SYNPR: variants seen among roughly 807,000 people sequenced by gnomAD.
SYNPR encodes synaptoporin.
SYNPR carries 23 observed loss-of-function variants against 32.9 expected under a neutral mutation model. The observed-to-expected ratio is 0.70, with a 90% CI of 0.50 to 0.99. SYNPR has a LOEUF of 0.99. SYNPR is among the 50% of genes least tolerant of loss of function. The pLI is 0.00. For synonymous variants in SYNPR, 146 were observed against 135.9 expected (o/e 1.07, Z -0.52); for missense variants, 318 against 349.3 (o/e 0.91, Z 0.71).
At chr3:63,448,461 T>C (rs1700319900) in intron 2 of SYNPR, among the ~76,000 whole-genome samples, 1 of 152,242 alleles carries the variant, frequency 6.6e-6, no homozygotes, top group South Asian at 2.1e-4. Context: ...AAGGACTTCT[T>C]AAGTCACCAT....
Position 63,445,598 on chromosome 3 carries a change from G to A in SYNPR, c.85-35234G>A, listed in dbSNP as rs1230405145. ...TTTAGTAAGTACATCCTATATGCCTGGCACTGTGCTAAGCATTTTACATGG... is the reference window on the plus strand; with the variant it reads ...TTTAGTAAGTACATCCTATATGCCTAGCACTGTGCTAAGCATTTTACATGG... On this transcript the variant is annotated intron_variant, in intron 2 of 5. Transcript: ENST00000478300. 12 of 694,990 alleles carry A rather than the reference G, an allele frequency of 1.7e-5. No individual in the cohort carries two copies. The Admixed American group carries it at 2.5e-4, about 14-fold the overall frequency. 43.1% of individuals were successfully genotyped at this position (694,990 alleles called of 1,614,324 possible).
At chr3:63,363,679 T>A (rs2087691892) in intron 2 of SYNPR, among the ~76,000 whole-genome samples, 1 of 152,202 alleles carries the variant, frequency 6.6e-6, no homozygotes, top group Non-Finnish European at 1.5e-5. Context: ...TTGGATTAAA[T>A]GAGATGAGCT....
At chr3:63,337,371 T>C (rs2087308819) in intron 2 of SYNPR, among the ~76,000 whole-genome samples, 1 of 152,100 alleles carries the variant, frequency 6.6e-6, no homozygotes, top group Non-Finnish European at 1.5e-5. Context: ...TGCCAAATGC[T>C]GGTGAGGATG....
intron 4 of SYNPR, among the ~76,000 whole-genome samples, chr3:63,559,771 TCAC>T (rs1317783203): frequency 6.6e-6 from 1 of 151,640 alleles, no homozygotes; most frequent in East Asian, 1.9e-4. Flanking sequence ...TTTAACAGAG[TCAC>T]CAAACTTGGG....
chr3:63,574,200 G>C (rs760507236), intron 4 of SYNPR, among the ~76,000 whole-genome samples: 3 of 152,098 alleles, frequency 2.0e-5, no homozygotes, highest in Non-Finnish European at 4.4e-5. Flanking sequence ...GTGTTTTGGG[G>C]AACAATATTC....
chr3:63,406,185 G>A (rs377139650), intron 2 of SYNPR, among the ~76,000 whole-genome samples: 15 of 151,250 alleles, frequency 9.9e-5, no homozygotes, highest in Non-Finnish European at 1.8e-4. Context: ...CTTGAGGTGC[G>A]TGGGTTTAGA....
At chr3:63,360,281 C>T (rs2087638723) in intron 2 of SYNPR, among the ~76,000 whole-genome samples, 1 of 152,082 alleles carries the variant, frequency 6.6e-6, no homozygotes, top group African/African-American at 2.4e-5. Context: ...TCCCATGATC[C>T]CTTCAAACTT....
chr3:63,223,933 T>C (rs1348237550), upstream of SYNPR, among the ~76,000 whole-genome samples: 1 of 152,218 alleles, frequency 6.6e-6, no homozygotes, highest in Non-Finnish European at 1.5e-5. Context: ...TTGCTTGTGG[T>C]AGAGGCTCCA....
chr3:63,443,765 T>G (rs1268470343), intron 2 of SYNPR, among the ~76,000 whole-genome samples: 1 of 152,234 alleles, frequency 6.6e-6, no homozygotes, highest in East Asian at 1.9e-4. Flanking sequence ...AAAACTGTAA[T>G]GTCATTCTAC....
intron 3 of SYNPR, among the ~76,000 whole-genome samples, chr3:63,521,824 G>T (rs759931539): frequency 6.6e-6 from 1 of 152,158 alleles, no homozygotes; most frequent in Non-Finnish European, 1.5e-5. Flanking sequence ...CAAATGTGTG[G>T]GCAGGGTGCA....
chr3:63,399,708 G>A (rs9856133), intron 2 of SYNPR, among the ~76,000 whole-genome samples: 82,158 of 151,322 alleles, frequency 0.54, 22,469 homozygotes, highest in East Asian at 0.68. Flanking sequence ...GGTAGACTAG[G>A]TTATTGTGCC....
At chr3:63,253,460 T>C (rs967242857) in intron 2 of SYNPR, among the ~76,000 whole-genome samples, 10 of 152,214 alleles carry the variant, frequency 6.6e-5, no homozygotes, top group African/African-American at 2.4e-4. Flanking sequence ...GAATAAATCC[T>C]AGTCTGTTAA....
the SYNPR span, among the ~76,000 whole-genome samples, chr3:63,200,890 G>C: frequency 1.2e-4 from 19 of 152,264 alleles, no homozygotes; most frequent in Non-Finnish European, 2.4e-4. Context: ...TTTAGCCCAA[G>C]TGTAATGATA....
chr3:63,362,303 G>C (rs2087672186), intron 2 of SYNPR, among the ~76,000 whole-genome samples: 1 of 152,126 alleles, frequency 6.6e-6, no homozygotes, highest in Non-Finnish European at 1.5e-5. Flanking sequence ...TTGTTTGTTT[G>C]TTTTTGCTTT....
chr3:63,299,592 A>G lies in SYNPR; in HGVS notation c.84+20850A>G, dbSNP rs112987339. 6.3e-3 allele frequency among the ~76,000 whole-genome samples: 961 copies of G among 152,232 alleles called. 8 individuals are homozygous for G. Among genetic ancestry groups the G allele is most frequent in the African/African-American group, 0.022 (911 of 41,530 alleles). Reference sequence around the variant, plus strand: ...GTGGTTCAGCTAGGATCCTACAGCCAGATACAGGGAGACAGGCAGAAAAAC... The same window carrying G: ...GTGGTTCAGCTAGGATCCTACAGCCGGATACAGGGAGACAGGCAGAAAAAC... On this transcript the variant is annotated intron_variant, in intron 2 of 5. Coordinates refer to ENST00000478300, the MANE Select transcript of SYNPR (RefSeq NM_001130003.2).
chr3:63,514,845 C>T (rs1006871673), intron 3 of SYNPR, among the ~76,000 whole-genome samples: 4 of 152,032 alleles, frequency 2.6e-5, no homozygotes, highest in African/African-American at 9.7e-5. Context: ...GTTTTCTCGG[C>T]GCATTTACTT....
chr3:63,247,091 G>A (rs1432834414), intron 1 of SYNPR, among the ~76,000 whole-genome samples: 1 of 151,798 alleles, frequency 6.6e-6, no homozygotes, highest in Non-Finnish European at 1.5e-5. Flanking sequence ...AAAAAGTTTA[G>A]CATAATACCT....
chr3:63,598,069 G>A (rs1308565784), intron 4 of SYNPR, among the ~76,000 whole-genome samples: 2 of 152,148 alleles, frequency 1.3e-5, no homozygotes, highest in African/African-American at 4.8e-5. Context: ...TAGTCTCTCT[G>A]TATAAAAGTG....
At chr3:63,393,496 C>CTTTTTTTTTTTTTTTTTTTTTTTT (rs71631152) in intron 2 of SYNPR, among the ~76,000 whole-genome samples, 3 of 84,504 alleles carry the variant, frequency 3.6e-5, no homozygotes, top group African/African-American at 5.7e-5. Context: ...TCTTTCTTCT[C>CTTTTTTTTTTTTTTTTTTTTTTTT]TTTTTTTTTT....
Sources: allele counts gnomAD v4.1 joint callset (sites outside exome capture counted in the v4.1 genomes callset), GRCh38; gene constraint gnomAD v4.1.1; transcripts MANE v1.5; gene names NCBI Gene and HGNC (gene_info 2026-07-23, HGNC 2026-07-21).